Variants in ADAMTS6 observed in about 807,000 individuals in gnomAD.
The protein encoded by ADAMTS6 is ADAM metallopeptidase with thrombospondin type 1 motif 6, also known as A disintegrin and metalloproteinase with thrombospondin motifs 6.
A neutral mutation model predicts 144.3 loss-of-function variants in ADAMTS6; 23 were observed. The observed-to-expected ratio is 0.16, with a 90% CI of 0.11 to 0.23. The LOEUF (loss-of-function observed/expected upper bound fraction) is 0.23, where lower values mean the gene tolerates loss of function less well. ADAMTS6 is among the 10% of genes least tolerant of loss of function. The pLI is 1.00. For missense variants in ADAMTS6, 999 were observed against 1,379.6 expected, an observed-to-expected ratio of 0.72 and a Z score of 4.37; for synonymous variants, 444 against 457.5, an observed-to-expected ratio of 0.97 and a Z score of 0.38.
At chr5:65,462,594 G>A (rs1364617588) in intron 3 of ADAMTS6, among the ~76,000 whole-genome samples, 2 of 152,170 alleles carry the variant, frequency 1.3e-5, no homozygotes, top group African/African-American at 4.8e-5. Flanking sequence ...TGACTTTGGA[G>A]CCTGAACTCT....
intron 7 of ADAMTS6, among the ~76,000 whole-genome samples, chr5:65,374,115 A>C (rs1223300501): frequency 6.6e-5 from 10 of 152,182 alleles, no homozygotes; most frequent in African/African-American, 2.4e-4. Flanking sequence ...ATTTCAAAAT[A>C]ATAAGAGCTA....
In ADAMTS6 at chr5:65,401,263, T is replaced by C. The variant is rs145111972; in HGVS notation, c.1073+50212A>G. On this transcript the variant is annotated intron_variant, in intron 7 of 24. Coordinates refer to ENST00000381055, the MANE Select transcript of ADAMTS6 (RefSeq NM_197941.4). Reference sequence around the variant, plus strand: ...CTATGCCTCTGAACTCTTGAACAAATATTTTCTAGTCTTTTTTCTCCCCTT... The same window carrying C: ...CTATGCCTCTGAACTCTTGAACAAACATTTTCTAGTCTTTTTTCTCCCCTT... Among the ~76,000 whole-genome samples the C allele has an allele frequency of 1.6e-3, 240 of 152,280 alleles. 1 individual carries two copies. The highest frequency in any genetic ancestry group is 2.1e-3 in the Non-Finnish European group (144 of 68,028).
chr5:65,160,067 T>C (rs1471251349), intron 24 of ADAMTS6, among the ~76,000 whole-genome samples: 1 of 152,214 alleles, frequency 6.6e-6, no homozygotes, highest in Non-Finnish European at 1.5e-5. Context: ...ACCTTGGTAG[T>C]CAAAACAATT....
chr5:65,406,325 A>G lies in ADAMTS6; in HGVS notation c.1073+45150T>C, dbSNP rs545881242. On this transcript the variant is annotated intron_variant, in intron 7 of 24. Coordinates refer to ENST00000381055, the MANE Select transcript of ADAMTS6 (RefSeq NM_197941.4). ...TATTATTTTGAGATATGTTCCATCA[A>G]TACGTAATTTATTCAGAGTTTTTAG... Among the ~76,000 whole-genome samples, 3 of 152,182 alleles carry G rather than the reference A, an allele frequency of 2.0e-5. No individual in the cohort carries two copies. The South Asian group carries it at 6.2e-4, about 32-fold the overall frequency.
At chr5:65,218,684 G>C (rs1757098091) in intron 18 of ADAMTS6, among the ~76,000 whole-genome samples, 1 of 152,158 alleles carries the variant, frequency 6.6e-6, no homozygotes, top group Non-Finnish European at 1.5e-5. Flanking sequence ...AAGTATGCCA[G>C]ATAATGGTAA....
chr5:65,189,943 G>A (rs558600160), intron 21 of ADAMTS6, among the ~76,000 whole-genome samples: 1 of 152,332 alleles, frequency 6.6e-6, no homozygotes, highest in African/African-American at 2.4e-5. Context: ...AGACTCCCAA[G>A]AGAGAAGAAT....
At chr5:65,383,606 C>G (rs541479764) in intron 7 of ADAMTS6, among the ~76,000 whole-genome samples, 1 of 152,214 alleles carries the variant, frequency 6.6e-6, no homozygotes, top group South Asian at 2.1e-4. Context: ...TGGTGAAGCC[C>G]ACACTGCAGC....
chr5:65,281,113 T>C (rs571581815), intron 11 of ADAMTS6, among the ~76,000 whole-genome samples: 6 of 152,324 alleles, frequency 3.9e-5, no homozygotes, highest in Non-Finnish European at 5.9e-5. Context: ...TTATTCATCA[T>C]GGTAATCTCT....
At chr5:65,235,193 G>A (rs1474437963) in intron 15 of ADAMTS6, among the ~76,000 whole-genome samples, 2 of 152,162 alleles carry the variant, frequency 1.3e-5, no homozygotes, top group Non-Finnish European at 2.9e-5. Context: ...TTTGTTAAGA[G>A]AGTAGATCTT....
intron 7 of ADAMTS6, among the ~76,000 whole-genome samples, chr5:65,386,281 T>A (rs182418544): frequency 1.6e-4 from 25 of 152,354 alleles, no homozygotes; most frequent in Admixed American, 1.6e-3. Context: ...ATCCTATTTT[T>A]CATATATTTG....
At chr5:65,272,918 G>C (rs1327417274) in intron 12 of ADAMTS6, among the ~76,000 whole-genome samples, 1 of 145,238 alleles carries the variant, frequency 6.9e-6, no homozygotes, top group Non-Finnish European at 1.5e-5. Flanking sequence ...GAGACCATGA[G>C]ACCCTGTCTC....
intron 8 of ADAMTS6, among the ~76,000 whole-genome samples, chr5:65,332,337 A>AGAGG (rs1451237745): frequency 2.0e-5 from 3 of 147,536 alleles, no homozygotes; most frequent in African/African-American, 7.4e-5. Context: ...AGAGAGAGAG[A>AGAGG]GAGTGTATAT....
At chr5:65,287,107 G>T (rs899318334) in intron 11 of ADAMTS6, among the ~76,000 whole-genome samples, 1 of 152,128 alleles carries the variant, frequency 6.6e-6, no homozygotes, top group African/African-American at 2.4e-5. Flanking sequence ...ATTTTTAGAT[G>T]ATCTGGTAAG....
chr5:65,260,489 G>A (rs1761084173), intron 14 of ADAMTS6, 111 bp downstream of exon 14: 2 of 792,580 alleles, frequency 2.5e-6, no homozygotes, highest in Non-Finnish European at 4.1e-6. Context: ...GAAAATTAAT[G>A]TGACCTTCAC....
At chr5:65,323,695 C>T (rs1745873792) in intron 9 of ADAMTS6, among the ~76,000 whole-genome samples, 1 of 152,122 alleles carries the variant, frequency 6.6e-6, no homozygotes, top group South Asian at 2.1e-4. Flanking sequence ...ATCGCCACAC[C>T]AACTTCCACG....
At chr5:65,190,211 C>G (rs1754923231) in intron 21 of ADAMTS6, among the ~76,000 whole-genome samples, 1 of 152,038 alleles carries the variant, frequency 6.6e-6, no homozygotes, top group African/African-American at 2.4e-5. Flanking sequence ...AATTTTCAGC[C>G]TAAAATTCAT....
At chr5:65,459,064 A>G (rs1225003671) in intron 4 of ADAMTS6, among the ~76,000 whole-genome samples, 1 of 150,924 alleles carries the variant, frequency 6.6e-6, no homozygotes, top group Non-Finnish European at 1.5e-5. Flanking sequence ...TTTCTGGAGA[A>G]CGGGGTCTCG....
At chr5:65,466,906 G>C (rs986367986) in intron 3 of ADAMTS6, among the ~76,000 whole-genome samples, 1 of 152,034 alleles carries the variant, frequency 6.6e-6, no homozygotes, top group Non-Finnish European at 1.5e-5. Flanking sequence ...GCCGGGCGTA[G>C]TGGCGGGAGC....
At chr5:65,362,188 G>A (rs1214044833) in intron 7 of ADAMTS6, among the ~76,000 whole-genome samples, 1 of 152,190 alleles carries the variant, frequency 6.6e-6, no homozygotes, top group African/African-American at 2.4e-5. Flanking sequence ...ATTATAAAAT[G>A]AGGCTGTGGT....
Sources: allele counts gnomAD v4.1 joint callset (sites outside exome capture counted in the v4.1 genomes callset), GRCh38; gene constraint gnomAD v4.1.1; transcripts MANE v1.5; gene names NCBI Gene and HGNC (gene_info 2026-07-23, HGNC 2026-07-21).